The following CADPS variants were observed in gnomAD, a reference collection of about 807,000 sequenced individuals.
CADPS encodes the protein calcium dependent secretion activator.
In CADPS, 57 loss-of-function variants were observed where a neutral mutation model predicts 167.3. The observed-to-expected ratio is 0.34, with a 90% CI of 0.28 to 0.42. The LOEUF (loss-of-function observed/expected upper bound fraction) is 0.42, where lower values mean the gene tolerates loss of function less well. Ranked by LOEUF, CADPS falls within the 20% of genes least tolerant of loss-of-function variation. The pLI is 1.00. For synonymous variants in CADPS, 676 were observed against 635.3 expected (o/e 1.06, Z -0.96); for missense variants, 1,414 against 1,738.1 (o/e 0.81, Z 3.32).
At chr3:62,590,401 T>C (rs1278614908) in intron 7 of CADPS, among the ~76,000 whole-genome samples, 3 of 152,164 alleles carry the variant, frequency 2.0e-5, no homozygotes, top group Non-Finnish European at 4.4e-5. Context: ...TCTTCCACTC[T>C]ATGTGTGTCT....
intron 21 of CADPS, among the ~76,000 whole-genome samples, chr3:62,487,639 C>T (rs374116004): frequency 9.8e-5 from 15 of 152,298 alleles, no homozygotes; most frequent in Middle Eastern, 3.4e-3. Context: ...TTTCTCTTTT[C>T]GAAGAGATGG....
chr3:62,690,077 A>G (rs1421019616), intron 3 of CADPS, among the ~76,000 whole-genome samples: 1 of 151,922 alleles, frequency 6.6e-6, no homozygotes, highest in Non-Finnish European at 1.5e-5. Flanking sequence ...TTTGGAGTAA[A>G]GGTGTGTTTG....
In CADPS at chr3:62,514,875, T is replaced by A. The variant is rs915573356; in HGVS notation, c.2581+1184A>T. Among the ~76,000 whole-genome samples, 2 of 152,134 alleles carry A rather than the reference T, an allele frequency of 1.3e-5. No individual in the cohort carries two copies. Among genetic ancestry groups the A allele is most frequent in the Non-Finnish European group, 2.9e-5 (2 of 68,016 alleles). ...AATATAGCCCTTTAACGACCTCTTG[T>A]TCCTCTATTTTTGTCACTCATTACC... On this transcript the variant is annotated intron_variant, in intron 16 of 29. Coordinates refer to ENST00000383710, the MANE Select transcript of CADPS (RefSeq NM_003716.4). This position sits in a 1 kb window ranked among gnomAD's most constrained non-coding sequence, Gnocchi z 4.2.
At chr3:62,491,925 C>T (rs2063813161) in intron 20 of CADPS, among the ~76,000 whole-genome samples, 1 of 152,112 alleles carries the variant, frequency 6.6e-6, no homozygotes, top group Admixed American at 6.5e-5. Flanking sequence ...CTCTGAAATG[C>T]TTGACATGTT....
intron 3 of CADPS, among the ~76,000 whole-genome samples, chr3:62,719,538 A>G (rs997189614): frequency 3.9e-5 from 6 of 152,216 alleles, no homozygotes; most frequent in Admixed American, 2.0e-4. Context: ...AATGATCTGT[A>G]TGGTATGCAG....
intron 6 of CADPS, among the ~76,000 whole-genome samples, chr3:62,632,874 C>T (rs2065556274): frequency 6.6e-6 from 1 of 152,048 alleles, no homozygotes; most frequent in Admixed American, 6.6e-5. Flanking sequence ...AAATTTGGTA[C>T]AGCTGTAGAA....
chr3:62,789,288 C>A (rs2092731133), intron 1 of CADPS, among the ~76,000 whole-genome samples: 1 of 152,124 alleles, frequency 6.6e-6, no homozygotes, highest in Admixed American at 6.6e-5. Flanking sequence ...GAAACCAAGA[C>A]TTAAGGAGAC....
At chr3:62,403,364 C>G (rs1707129555) in intron 28 of CADPS, 179 bp from the exon 29 acceptor site, 1 of 535,742 alleles carries the variant, frequency 1.9e-6, no homozygotes, top group Admixed American at 3.2e-5. Context: ...TTGCAAGGTA[C>G]TGGGTACTGG....
chr3:62,856,024 A>C (rs1278687012), intron 1 of CADPS, among the ~76,000 whole-genome samples: 1 of 152,224 alleles, frequency 6.6e-6, no homozygotes, highest in Non-Finnish European at 1.5e-5. Context: ...ATATGTCATT[A>C]AGTTATATAA....
At chr3:62,644,509 G>T (rs1230116897) in intron 6 of CADPS, among the ~76,000 whole-genome samples, 1 of 152,088 alleles carries the variant, frequency 6.6e-6, no homozygotes, top group Non-Finnish European at 1.5e-5. Flanking sequence ...ATCCACTGCA[G>T]CGAGAGTCAT....
chr3:62,634,959 C>A (rs1388677587), intron 6 of CADPS, among the ~76,000 whole-genome samples: 1 of 152,180 alleles, frequency 6.6e-6, no homozygotes. Flanking sequence ...ATGCACTTCT[C>A]TCTGTGATTT....
chr3:62,730,428 T>C (rs2077550373), intron 3 of CADPS, among the ~76,000 whole-genome samples: 1 of 152,214 alleles, frequency 6.6e-6, no homozygotes, highest in Non-Finnish European at 1.5e-5. Flanking sequence ...GGTAGTATTC[T>C]AGTCAAATAC....
chr3:62,814,539 C>G (rs975738367), intron 1 of CADPS: 1 of 152,082 alleles, frequency 6.6e-6, no homozygotes, highest in Non-Finnish European at 1.5e-5. Flanking sequence ...AATATATAAT[C>G]TCTTCTAAAT....
intron 26 of CADPS, among the ~76,000 whole-genome samples, chr3:62,453,089 T>C (rs2058275527): frequency 6.6e-6 from 1 of 152,122 alleles, no homozygotes; most frequent in African/African-American, 2.4e-5. Context: ...GCTGTGATCA[T>C]GCCACTGCAC....
At chr3:62,634,583 CTA>C (rs1278097773) in intron 6 of CADPS, among the ~76,000 whole-genome samples, 2 of 152,164 alleles carry the variant, frequency 1.3e-5, no homozygotes, top group East Asian at 1.9e-4. Context: ...TGATGATTAT[CTA>C]TGTGTTTCCA....
At chr3:62,460,398 G>A (rs1316543664) in intron 26 of CADPS, among the ~76,000 whole-genome samples, 1 of 152,144 alleles carries the variant, frequency 6.6e-6, no homozygotes, top group African/African-American at 2.4e-5. Context: ...CCTCTGGAGG[G>A]TGAACCAAAA....
At chr3:62,658,696 C>T (rs929293276) in intron 4 of CADPS, among the ~76,000 whole-genome samples, 1 of 152,140 alleles carries the variant, frequency 6.6e-6, no homozygotes, top group Non-Finnish European at 1.5e-5. Context: ...ATAATGTCCA[C>T]TCCACCCACA....
rs192256099 is a variant in CADPS, at chr3:62,611,762, A to G, written c.1326-19014T>C. ...CCTACGCACAATCTGCTCTTCCCTC[A>G]GCTCCCTGCATGAATCACTCAGCTT... On this transcript the variant is annotated intron_variant, in intron 6 of 29. Transcript: ENST00000383710. Among the ~76,000 whole-genome samples the G allele has an allele frequency of 2.0e-5, 3 of 152,240 alleles. No homozygotes were observed. In the East Asian group the frequency reaches 5.8e-4, roughly 29 times the overall value.
intron 1 of CADPS, among the ~76,000 whole-genome samples, chr3:62,782,761 C>CTT (rs1191068833): frequency 0.01 from 1,401 of 138,816 alleles, 32 homozygotes; most frequent in African/African-American, 0.033. Flanking sequence ...GCATTTCTTT[C>CTT]TTTTTTTTTT....
Sources: gnomAD v4.1 joint callset for allele counts (sites outside exome capture counted in the v4.1 genomes callset) on GRCh38, gnomAD v4.1.1 for gene constraint, Gnocchi (gnomAD v3.1) non-coding constraint, MANE v1.5 for transcripts, NCBI Gene and HGNC (gene_info 2026-07-23, HGNC 2026-07-21) for gene names.